Variants in HS6ST3 observed in about 807,000 individuals in gnomAD.
HS6ST3 encodes the protein heparan sulfate 6-O-sulfotransferase 3, also known as heparan-sulfate 6-O-sulfotransferase 3.
A neutral mutation model predicts 36.7 loss-of-function variants in HS6ST3; 12 were observed. The observed-to-expected ratio is 0.33, with a 90% confidence interval of 0.21 to 0.53. The LOEUF (loss-of-function observed/expected upper bound fraction) is 0.53, where lower values mean the gene tolerates loss of function less well. HS6ST3 is among the 20% of genes least tolerant of loss of function. The probability of loss-of-function intolerance (pLI) is 0.95; values close to 1 mark genes in which losing one functional copy is unlikely to be tolerated. For synonymous variants in HS6ST3, 240 were observed against 257.5 expected (o/e 0.93, Z 0.65); for missense variants, 584 against 640.9 (o/e 0.91, Z 0.96).
intron 1 of HS6ST3, among the ~76,000 whole-genome samples, chr13:96,290,315 T>G (rs2139398460): frequency 6.6e-6 from 1 of 152,192 alleles, no homozygotes. Context: ...CCCTGTGGTG[T>G]TAATGGGTTC....
At chr13:96,778,748 G>A (rs146630664) in intron 1 of HS6ST3, among the ~76,000 whole-genome samples, 178 of 152,302 alleles carry the variant, frequency 1.2e-3, no homozygotes, top group African/African-American at 4.1e-3. Flanking sequence ...CAACCATTGT[G>A]GAAGAAGTGT....
chr13:96,586,165 C>G (rs540325144), intron 1 of HS6ST3, among the ~76,000 whole-genome samples: 1 of 152,202 alleles, frequency 6.6e-6, no homozygotes, highest in African/African-American at 2.4e-5. Context: ...TTTTGTCTTG[C>G]TAGTATCTTT....
intron 1 of HS6ST3, among the ~76,000 whole-genome samples, chr13:96,786,759 C>T (rs747739432): frequency 3.3e-5 from 5 of 151,920 alleles, no homozygotes; most frequent in Non-Finnish European, 7.4e-5. Flanking sequence ...GTCAAATTGA[C>T]CTTTTGTGGT....
chr13:96,689,606 C>CTTTCTTT (rs547289756), intron 1 of HS6ST3, among the ~76,000 whole-genome samples: 2 of 101,230 alleles, frequency 2.0e-5, no homozygotes, highest in African/African-American at 3.9e-5. Context: ...TTCTTTCTTT[C>CTTTCTTT]TTTTTTTTTT....
At chr13:96,427,317 A>T (rs926189799) in intron 1 of HS6ST3, 1 of 154,176 alleles carries the variant, frequency 6.5e-6, no homozygotes, top group African/African-American at 2.4e-5. Flanking sequence ...TATTGTGAGG[A>T]TTAAATAAGA....
chr13:96,425,745 G>A (rs113573263), intron 1 of HS6ST3, among the ~76,000 whole-genome samples: 13 of 152,088 alleles, frequency 8.5e-5, no homozygotes, highest in African/African-American at 2.4e-4. Flanking sequence ...ACCCCAGACC[G>A]TCAGCTGAAT....
At chr13:96,150,122 G>A (rs537916270) in intron 1 of HS6ST3, among the ~76,000 whole-genome samples, 8 of 152,254 alleles carry the variant, frequency 5.3e-5, no homozygotes, top group East Asian at 3.9e-4. Context: ...CGTGGACACC[G>A]GAGAGTGAGT....
At chr13:96,460,260 C>T (rs1276694344) in intron 1 of HS6ST3, among the ~76,000 whole-genome samples, 3 of 152,158 alleles carry the variant, frequency 2.0e-5, no homozygotes, top group East Asian at 1.9e-4. Context: ...GAAAGTCTAG[C>T]TTCAGACTAT....
intron 1 of HS6ST3, among the ~76,000 whole-genome samples, chr13:96,276,488 A>C (rs186526732): frequency 6.6e-6 from 1 of 152,300 alleles, no homozygotes; most frequent in East Asian, 1.9e-4. Context: ...AGTTGGACAA[A>C]TTCTGAAACT....
At position 96,379,701 on chromosome 13, in the gene HS6ST3, C is replaced by A. The variant is rs549901673; in HGVS notation, c.707+288132C>A. On this transcript the variant is annotated intron_variant, in intron 1 of 1. Transcript: ENST00000376705. ...CAGATTTCTTAGCCACATTCTGAAT[C>A]TACTGGTTATAATTTCTGATTTGGG... Among the ~76,000 whole-genome samples, 28 of 152,302 alleles carry A rather than the reference C, an allele frequency of 1.8e-4. 3 individuals are homozygous for A. The highest frequency in any genetic ancestry group is 6.7e-4 in the African/African-American group (28 of 41,574).
At chr13:96,640,505 A>G (rs1401290308) in intron 1 of HS6ST3, among the ~76,000 whole-genome samples, 1 of 151,708 alleles carries the variant, frequency 6.6e-6, no homozygotes, top group Non-Finnish European at 1.5e-5. Flanking sequence ...TTTTTTTCCC[A>G]TTCTATAGGG....
rs78904252 is a variant in HS6ST3, at chr13:96,152,289, A to G, written c.707+60720A>G. Among the ~76,000 whole-genome samples the G allele has an allele frequency of 3.8e-3, 576 of 149,746 alleles. 2 individuals are homozygous for G. The highest frequency in any genetic ancestry group is 0.017 in the Middle Eastern group (5 of 286). ...TGAGACTGTTTCTAGCTGAGATACT[A>G]AAGTATATTTCCAACTGGCCCCTTT... is the stretch of plus-strand genomic sequence containing the variant. On this transcript the variant is annotated intron_variant, in intron 1 of 1. Transcript: ENST00000376705.
intron 1 of HS6ST3, among the ~76,000 whole-genome samples, chr13:96,488,463 G>A (rs1053980250): frequency 6.6e-6 from 1 of 152,086 alleles, no homozygotes. Context: ...TAGTAAGAGC[G>A]ATGTGTTCCT....
intron 1 of HS6ST3, among the ~76,000 whole-genome samples, chr13:96,370,200 A>G (rs958048040): frequency 6.6e-6 from 1 of 152,202 alleles, no homozygotes; most frequent in African/African-American, 2.4e-5. Flanking sequence ...CTCCTTTAAA[A>G]AGTTCAACAA....
chr13:96,231,964 T>C (rs565224231), intron 1 of HS6ST3, among the ~76,000 whole-genome samples: 4 of 152,300 alleles, frequency 2.6e-5, no homozygotes, highest in Admixed American at 2.6e-4. Context: ...AAGGATTGTG[T>C]GCTTGTTTCC....
chr13:96,311,316 A>G (rs1699392672), intron 1 of HS6ST3, among the ~76,000 whole-genome samples: 1 of 152,184 alleles, frequency 6.6e-6, no homozygotes, highest in African/African-American at 2.4e-5. Context: ...CTCAGTTCAC[A>G]TGCCACAACC....
At chr13:96,684,082 A>G (rs1874697363) in intron 1 of HS6ST3, among the ~76,000 whole-genome samples, 1 of 152,124 alleles carries the variant, frequency 6.6e-6, no homozygotes, top group Non-Finnish European at 1.5e-5. Context: ...TGGGTGGCGT[A>G]GACTAACACT....
intron 1 of HS6ST3, among the ~76,000 whole-genome samples, chr13:96,724,650 C>G (rs1398759815): frequency 6.6e-6 from 1 of 151,854 alleles, no homozygotes; most frequent in African/African-American, 2.4e-5. Context: ...TTTTTTTGCT[C>G]TAGCTTCTTT....
chr13:96,139,342 A>C (rs1433252683), intron 1 of HS6ST3, among the ~76,000 whole-genome samples: 1 of 152,046 alleles, frequency 6.6e-6, no homozygotes, highest in East Asian at 1.9e-4. Flanking sequence ...GAAGGTCGCA[A>C]ATCAAAGGAA....
Sources: gnomAD v4.1 joint callset for allele counts (sites outside exome capture counted in the v4.1 genomes callset) on GRCh38, gnomAD v4.1.1 for gene constraint, MANE v1.5 for transcripts, NCBI Gene and HGNC (gene_info 2026-07-23, HGNC 2026-07-21) for gene names.